The following FOXP2 variants were observed in gnomAD, a reference collection of about 807,000 sequenced individuals.
FOXP2 encodes forkhead box protein P2.
Under a neutral mutation model 115.8 loss-of-function variants are expected in FOXP2, and 12 were observed. The ratio of observed to expected loss-of-function variants is 0.10; its 90% CI spans 0.07 to 0.17. The LOEUF is 0.17. Among genes scored for constraint, FOXP2 ranks in the 10% least tolerant of loss-of-function variants. The probability of loss-of-function intolerance (pLI) is 1.00; values close to 1 mark genes in which losing one functional copy is unlikely to be tolerated. For missense variants in FOXP2, 629 were observed against 843.5 expected (o/e 0.75, Z 3.15); for synonymous variants, 328 against 297.7 (o/e 1.10, Z -1.05).
chr7:114,155,449 G>A (rs888925135), intron 1 of FOXP2, among the ~76,000 whole-genome samples: 15 of 152,066 alleles, frequency 9.9e-5, no homozygotes, highest in Admixed American at 1.3e-4. Context: ...TAATTAAAGT[G>A]TTTTACCCCA....
intron 2 of FOXP2, among the ~76,000 whole-genome samples, chr7:114,356,857 T>C (rs2690832): frequency 0.13 from 19,572 of 152,178 alleles, 1,585 homozygotes; most frequent in East Asian, 0.33. Flanking sequence ...TTTAGAAACA[T>C]AGAGAAATAG....
At chr7:114,134,380 T>G (rs1012815715) in intron 1 of FOXP2, among the ~76,000 whole-genome samples, 1 of 152,118 alleles carries the variant, frequency 6.6e-6, no homozygotes, top group Non-Finnish European at 1.5e-5. Flanking sequence ...TGAATAAAAT[T>G]TTCTCTGTTG....
intron 2 of FOXP2, among the ~76,000 whole-genome samples, chr7:114,401,859 G>A (rs756644981): frequency 8.5e-5 from 13 of 152,214 alleles, no homozygotes; most frequent in Non-Finnish European, 1.8e-4. Flanking sequence ...GGTGGCTCAT[G>A]CCTGTAATCT....
chr7:114,132,574 TGTGTGTGTGAGAGAGAGA>T (rs1402849905), intron 1 of FOXP2, among the ~76,000 whole-genome samples: 2 of 108,450 alleles, frequency 1.8e-5, no homozygotes, highest in African/African-American at 7.8e-5. Flanking sequence ...TGTGTGTGTG[TGTGTGTGTGAGAGAGAGA>T]GAGAGAGAGA....
intron 2 of FOXP2, among the ~76,000 whole-genome samples, chr7:114,378,684 CAA>C (rs398005920): frequency 1.7e-4 from 3 of 18,094 alleles, no homozygotes; most frequent in Admixed American, 2.2e-3. Context: ...ACCCTGTCTC[CAA>C]AAAAAAAAAA....
chr7:114,557,835 A>G lies in FOXP2; in HGVS notation c.258+23129A>G, dbSNP rs952627479. On this transcript the variant is annotated intron_variant, in intron 3 of 16. Coordinates refer to ENST00000350908, the MANE Select transcript of FOXP2 (RefSeq NM_014491.4). ...TATTTATTTATTTATTTAGAGATGG[A>G]GTCCTGCTCTGTCGCCCAGGCTGGT... Among the ~76,000 whole-genome samples, 18 of 151,942 alleles carry G rather than the reference A, an allele frequency of 1.2e-4. No individual in the cohort carries two copies. The East Asian group carries it at 2.5e-3, about 21-fold the overall frequency.
chr7:114,172,320 A>G (rs1793167926), intron 1 of FOXP2, among the ~76,000 whole-genome samples: 1 of 152,186 alleles, frequency 6.6e-6, no homozygotes, highest in Non-Finnish European at 1.5e-5. Context: ...AGGCAAAAGT[A>G]AAACTTATCA....
chr7:114,545,081 A>G (rs1799851576), intron 3 of FOXP2, among the ~76,000 whole-genome samples: 1 of 152,228 alleles, frequency 6.6e-6, no homozygotes, highest in Admixed American at 6.5e-5. Flanking sequence ...GAGATACAAT[A>G]CAGTTGGCTT....
chr7:114,169,260 A>G (rs1793070132), intron 1 of FOXP2, among the ~76,000 whole-genome samples: 1 of 152,212 alleles, frequency 6.6e-6, no homozygotes, highest in South Asian at 2.1e-4. Flanking sequence ...ACTCAATGCC[A>G]GCTGGTGAAA....
intron 2 of FOXP2, among the ~76,000 whole-genome samples, chr7:114,370,252 T>C (rs1791972033): frequency 6.6e-6 from 1 of 152,218 alleles, no homozygotes; most frequent in Admixed American, 6.5e-5. Context: ...TCTCATTAGA[T>C]GTACTTGCAT....
chr7:114,644,428 A>G (rs776689405), intron 7 of FOXP2, among the ~76,000 whole-genome samples: 3 of 152,232 alleles, frequency 2.0e-5, no homozygotes, highest in Non-Finnish European at 4.4e-5. Flanking sequence ...CAGGATTAGC[A>G]TATGATATTA....
At chr7:114,407,392 A>T (rs1426762963) in intron 2 of FOXP2, among the ~76,000 whole-genome samples, 2 of 152,004 alleles carry the variant, frequency 1.3e-5, no homozygotes, top group Non-Finnish European at 2.9e-5. Flanking sequence ...AAATGTAGCA[A>T]GTGGTTTTTG....
At chr7:114,685,982 A>T (rs73716964) in intron 16 of FOXP2, among the ~76,000 whole-genome samples, 3,325 of 148,552 alleles carry the variant, frequency 0.022, 100 homozygotes, top group African/African-American at 0.071. Context: ...TTTTTTTTTT[A>T]AAAAAAAAGC....
At chr7:114,609,801 A>G (rs1803533365) in intron 3 of FOXP2, among the ~76,000 whole-genome samples, 1 of 152,218 alleles carries the variant, frequency 6.6e-6, no homozygotes, top group African/African-American at 2.4e-5. Context: ...GTAGTCTTCA[A>G]CGGTGGCAGT....
chr7:114,396,801 T>C (rs1339360270), intron 2 of FOXP2, among the ~76,000 whole-genome samples: 1 of 152,112 alleles, frequency 6.6e-6, no homozygotes, highest in Non-Finnish European at 1.5e-5. Context: ...AAGAATATAA[T>C]GTATTCTTGA....
At chr7:114,197,363 A>G (rs986834007) in intron 1 of FOXP2, among the ~76,000 whole-genome samples, 1 of 152,220 alleles carries the variant, frequency 6.6e-6, no homozygotes, top group Admixed American at 6.5e-5. Flanking sequence ...TCAGGGTGCC[A>G]GAATGGTCAG....
chr7:114,636,282 A>G (rs1444306436), intron 6 of FOXP2, among the ~76,000 whole-genome samples: 1 of 152,140 alleles, frequency 6.6e-6, no homozygotes, highest in East Asian at 1.9e-4. Context: ...CTGTGATTCA[A>G]TTATTCTGGC....
At chr7:114,547,916 A>G (rs1440889307) in intron 3 of FOXP2, among the ~76,000 whole-genome samples, 1 of 152,200 alleles carries the variant, frequency 6.6e-6, no homozygotes, top group Admixed American at 6.5e-5. Context: ...TTCCACTAAA[A>G]TATTATCTAA....
rs60413933 is a variant in FOXP2 at position 114,204,915 on chromosome 7, C to CA, written c.-102+41843dup. Among the ~76,000 whole-genome samples, 708 of 141,862 alleles carry CA rather than the reference C, an allele frequency of 5.0e-3. 4 individuals are homozygous for CA. Among genetic ancestry groups the CA allele is most frequent in the East Asian group, 0.015 (73 of 4,792 alleles). 93.1% of individuals were successfully genotyped at this position (141,862 alleles called of 152,430 possible). The stretch of plus-strand genomic sequence containing the variant: ...AGAGTTGGCTGTTGGTTGTGTGTGC[C>CA]AAAAAAAAAAAAAAAATCATTGAAA... On this transcript the variant is annotated intron_variant, in intron 1 of 17. Transcript: ENST00000634411.
Sources: gnomAD v4.1 joint callset for allele counts (sites outside exome capture counted in the v4.1 genomes callset) on GRCh38, gnomAD v4.1.1 for gene constraint, MANE v1.5 for transcripts, NCBI Gene and HGNC (gene_info 2026-07-23, HGNC 2026-07-21) for gene names.